DNAJA2: variants seen among roughly 807,000 people sequenced by gnomAD.
The protein encoded by DNAJA2 is dnaJ homolog subfamily A member 2.
In DNAJA2, 6 loss-of-function variants were observed where a neutral mutation model predicts 49.3. The observed-to-expected ratio is 0.12, with a 90% confidence interval of 0.07 to 0.24. DNAJA2 has a LOEUF of 0.24. Among genes scored for constraint, DNAJA2 ranks in the 10% least tolerant of loss-of-function variants. The pLI is 1.00. For missense variants in DNAJA2, 347 were observed against 516.8 expected (o/e 0.67, Z 3.19); for synonymous variants, 160 against 172.7 (o/e 0.93, Z 0.58).
At chr16:46,963,805 C>T (rs1386973998) in intron 6 of DNAJA2, among the ~76,000 whole-genome samples, 2 of 152,162 alleles carry the variant, frequency 1.3e-5, no homozygotes, top group Admixed American at 1.3e-4. Context: ...GGATAGCTCA[C>T]TTGGGTACCC....
At chr16:46,961,974 A>C (rs555681326) in intron 6 of DNAJA2, among the ~76,000 whole-genome samples, 1 of 152,028 alleles carries the variant, frequency 6.6e-6, no homozygotes, top group African/African-American at 2.4e-5. Flanking sequence ...GTGACATGGC[A>C]GGATGATGAC....
At chr16:46,959,693 T>C in intron 6 of DNAJA2, 1 of 307,022 alleles carries the variant, frequency 3.3e-6, no homozygotes, top group Non-Finnish European at 6.1e-6. Flanking sequence ...GTGCCAGGTA[T>C]ATTCTGCAAC....
chr16:46,971,233 A>T, intron 3 of DNAJA2, 116 bp downstream of exon 3: 1 of 795,096 alleles, frequency 1.3e-6, no homozygotes, highest in Non-Finnish European at 1.9e-6. Context: ...GACAAGGCAA[A>T]TGGAAGTTTT....
intron 6 of DNAJA2, among the ~76,000 whole-genome samples, chr16:46,962,904 C>T (rs186875297): frequency 6.6e-6 from 1 of 152,250 alleles, no homozygotes; most frequent in East Asian, 1.9e-4. Context: ...AAACCTGCAT[C>T]TCAATATGGC....
chr16:46,961,028 T>G (rs1235981653), intron 6 of DNAJA2, among the ~76,000 whole-genome samples: 1 of 149,930 alleles, frequency 6.7e-6, no homozygotes, highest in Non-Finnish European at 1.5e-5. Context: ...AATAATAAAT[T>G]TAAAATAAAT....
rs751513934 is a variant in DNAJA2, at chr16:46,971,585, G to A, written c.139-13C>T. On this transcript the variant is annotated splice_polypyrimidine_tract_variant and intron_variant, in intron 2 of 8. Transcript: ENST00000317089. ...TTATTTCTTTAAACTATAAAGAAAA[G>A]GTAAAAATAAAAATAATTGCATTTT... 15 of 1,381,630 alleles carry A rather than the reference G, an allele frequency of 1.1e-5. No individual in the cohort carries two copies. Among genetic ancestry groups the A allele is most frequent in the Non-Finnish European group, 1.3e-5 (14 of 1,052,018 alleles). The allele number at this position is 1,381,630 out of a possible 1,614,324, so 85.6% of individuals were successfully genotyped here.
chr16:46,971,002 C>T (rs969774130), intron 3 of DNAJA2, among the ~76,000 whole-genome samples: 1 of 151,076 alleles, frequency 6.6e-6, no homozygotes, highest in Non-Finnish European at 1.5e-5. Flanking sequence ...TGTGCCACTG[C>T]ACTCCATCCT....
At position 46,955,921 on chromosome 16, in the gene DNAJA2, CATTCTT is replaced by C. The variant is rs1212187734; in HGVS notation, c.*1102_*1107del. 3.3e-5 allele frequency: 5 copies of C among 152,110 alleles called. No homozygotes were observed. The highest frequency in any genetic ancestry group is 2.6e-4 in the Admixed American group (4 of 15,278). The allele number at this position is 152,110 out of a possible 1,614,324, so 9.4% of individuals were successfully genotyped here. A position where few individuals can be genotyped will look rare whatever the true frequency, so the allele number is the denominator to read the frequency against. On this transcript the variant is annotated 3_prime_UTR_variant, in exon 9 of 9. Transcript: ENST00000317089. ...CAACAATGCATATTTCAGTTGCCTTCATTCTTAAATTCTGAATAAGCATCTTACTTT... is the reference window on the plus strand; with the variant it reads ...CAACAATGCATATTTCAGTTGCCTTCAAATTCTGAATAAGCATCTTACTTT...
rs549914459 is a variant in DNAJA2, at chr16:46,967,426, C to T, written c.577+87G>A. On this transcript the variant is annotated intron_variant, in intron 5 of 8. Transcript: ENST00000317089. ...CTTTAATAAGATGTATACAAATACC[C>T]TTTGAAATAAAAAATTGTAAACCTC... The T allele has an allele frequency of 3.9e-6, 6 of 1,546,304 alleles. No homozygotes were observed. In the African/African-American group the frequency reaches 5.5e-5, roughly 14 times the overall value.
At chr16:46,965,572 T>C (rs1487322250) in intron 5 of DNAJA2, among the ~76,000 whole-genome samples, 2 of 152,320 alleles carry the variant, frequency 1.3e-5, no homozygotes, top group East Asian at 3.9e-4. Flanking sequence ...GGCTCACACC[T>C]GTAATCCCAG....
chr16:46,964,701 T>C lies in DNAJA2; in HGVS notation c.684A>G (p.Gly228=), dbSNP rs763036809. ...EVHVDKGMKH[G]QRITFTGEAD... is the part of the protein sequence containing the mutation. The stretch of plus-strand genomic sequence containing the variant: ...CTTCCCCAGTGAATGTAATTCTCTG[T>C]CCATGTTTCATGCCTTTGTCTACGT... Residue 228 remains glycine (G), a synonymous_variant, in exon 6 of 9, where the codon GGA becomes GGG. Coordinates refer to ENST00000317089, the MANE Select transcript of DNAJA2 (RefSeq NM_005880.4). 6 of 1,614,206 alleles carry C rather than the reference T, an allele frequency of 3.7e-6. No homozygotes were observed. Among genetic ancestry groups the C allele is most frequent in the Non-Finnish European group, 5.1e-6 (6 of 1,180,006 alleles).
intron 8 of DNAJA2, 152 bp downstream of exon 8, chr16:46,958,849 TGA>T: frequency 1.3e-6 from 1 of 770,254 alleles, no homozygotes; most frequent in Non-Finnish European, 2.0e-6. Flanking sequence ...GGGGCTGAGG[TGA>T]GAGGATCGCT....
rs144158316 is a variant in DNAJA2, at chr16:46,958,136, T to C, written c.1047+867A>G. 6.4e-3 allele frequency among the ~76,000 whole-genome samples: 976 copies of C among 151,986 alleles called. 9 individuals are homozygous for C. The highest frequency in any genetic ancestry group is 0.022 in the African/African-American group (916 of 41,444). ...TTGCTTGAGACCAGTCTGGACAACA[T>C]AGCAACATCTCTATAAAAAGTTTTA... On this transcript the variant is annotated intron_variant, in intron 8 of 8. Coordinates refer to ENST00000317089, the MANE Select transcript of DNAJA2 (RefSeq NM_005880.4).
chr16:46,958,312 G>A (rs1961845138), intron 8 of DNAJA2, among the ~76,000 whole-genome samples: 1 of 152,104 alleles, frequency 6.6e-6, no homozygotes, highest in Non-Finnish European at 1.5e-5. Flanking sequence ...AGCACTTTGG[G>A]AGGCCGAGGC....
intron 8 of DNAJA2, 33 bp from the exon 9 acceptor site, chr16:46,957,253 G>C: frequency 6.5e-7 from 1 of 1,537,398 alleles, no homozygotes; most frequent in Admixed American, 2.1e-5. Flanking sequence ...CAGGTTGGTT[G>C]TAATATTTTC....
At position 46,972,995 on chromosome 16, in the gene DNAJA2, C is replaced by G. The variant is rs540260567; in HGVS notation, c.78+500G>C. 4 of 152,114 alleles carry G rather than the reference C, an allele frequency of 2.6e-5. No homozygotes were observed. In the East Asian group the frequency reaches 5.8e-4, roughly 22 times the overall value. The allele number at this position is 152,114 out of a possible 1,614,324, so 9.4% of individuals were successfully genotyped here. On this transcript the variant is annotated intron_variant, in intron 1 of 8. Coordinates refer to ENST00000317089, the MANE Select transcript of DNAJA2 (RefSeq NM_005880.4). Reference sequence around the variant, plus strand: ...GCGGAACCCAGGAAACAACCCCATCCGCCCGAGGCGCTCTGTGGGGGCGGC... The same window carrying G: ...GCGGAACCCAGGAAACAACCCCATCGGCCCGAGGCGCTCTGTGGGGGCGGC...
At chr16:46,972,273 G>A (rs1962064259) in intron 1 of DNAJA2, 1 of 271,996 alleles carries the variant, frequency 3.7e-6, no homozygotes, top group East Asian at 9.2e-5. Flanking sequence ...GTCTTTGATG[G>A]CCAAGTAACC....
At position 46,956,134 on chromosome 16, in the gene DNAJA2, G is replaced by GGGA. The variant is rs1446667286; in HGVS notation, c.*892_*894dup. On this transcript the variant is annotated 3_prime_UTR_variant, in exon 9 of 9. Coordinates refer to ENST00000317089, the MANE Select transcript of DNAJA2 (RefSeq NM_005880.4). Reference sequence around the variant, plus strand: ...TTATTTTTTTAAGGGGGTGGTGGTAGGGAGATACAGAAGTCAGGCTAGCCC... The same window carrying GGGA: ...TTATTTTTTTAAGGGGGTGGTGGTAGGGAGGAGATACAGAAGTCAGGCTAGCCC... 6.6e-6 allele frequency: 1 copy of GGGA among 152,072 alleles called. No individual in the cohort carries two copies. Among genetic ancestry groups the GGGA allele is most frequent in the African/African-American group, 2.4e-5 (1 of 41,418 alleles). The allele number at this position is 152,072 out of a possible 1,614,324, so 9.4% of individuals were successfully genotyped here. A position where few individuals can be genotyped will look rare whatever the true frequency, so the allele number is the denominator to read the frequency against.
At chr16:46,963,449 G>A (rs1440351715) in intron 6 of DNAJA2, among the ~76,000 whole-genome samples, 6 of 151,240 alleles carry the variant, frequency 4.0e-5, no homozygotes, top group African/African-American at 1.5e-4. Flanking sequence ...CAGGAGGATC[G>A]CTTGAGCTCA....
Sources: gnomAD v4.1 joint callset for allele counts (sites outside exome capture counted in the v4.1 genomes callset) on GRCh38, gnomAD v4.1.1 for gene constraint, MANE v1.5 for transcripts, NCBI Gene and HGNC (gene_info 2026-07-23, HGNC 2026-07-21) for gene names.